LPAR1: variants seen among roughly 807,000 people sequenced by gnomAD.
LPAR1 encodes the protein lysophosphatidic acid receptor 1.
In LPAR1, 5 loss-of-function variants were observed where a neutral mutation model predicts 23.8. The observed-to-expected ratio is 0.21, with a 90% CI of 0.11 to 0.44. The LOEUF is 0.44. Ranked by LOEUF, LPAR1 falls within the 20% of genes least tolerant of loss-of-function variation. The pLI, the probability that LPAR1 is intolerant of heterozygous loss-of-function variation, is 0.99. For missense variants in LPAR1, 311 were observed against 482.8 expected (o/e 0.64, Z 3.33); for synonymous variants, 160 against 164.7 (o/e 0.97, Z 0.22).
chr9:110,952,992 G>A (rs150146874), intron 4 of LPAR1, among the ~76,000 whole-genome samples: 481 of 152,234 alleles, frequency 3.2e-3, no homozygotes, highest in Admixed American at 5.6e-3. Context: ...ACCTCAGTTG[G>A]CACACAGACG....
rs10980632 is a variant in LPAR1, at chr9:110,915,951, T to C, written c.793+25470A>G. On this transcript the variant is annotated intron_variant, in intron 5 of 5. Coordinates refer to ENST00000683809, the MANE Select transcript of LPAR1 (RefSeq NM_001351411.2). ...CAAATTATCAATATGAAAATCATGG[T>C]AATAACATGAATGACTAAAATCAAA... 0.033 allele frequency among the ~76,000 whole-genome samples: 4,950 copies of C among 152,282 alleles called. 931 individuals are homozygous for C. In the East Asian group the frequency reaches 0.57, roughly 17 times the overall value.
At chr9:110,905,225 T>G (rs2090811535) in intron 5 of LPAR1, among the ~76,000 whole-genome samples, 1 of 152,240 alleles carries the variant, frequency 6.6e-6, no homozygotes, top group African/African-American at 2.4e-5. Context: ...TGCTATCCTA[T>G]TCCAAGTCTG....
intron 5 of LPAR1, among the ~76,000 whole-genome samples, chr9:110,921,889 A>G (rs772158983): frequency 7.2e-5 from 11 of 152,188 alleles, no homozygotes; most frequent in Non-Finnish European, 8.8e-5. Flanking sequence ...TTGTGAACTG[A>G]AGAAGTCCTG....
chr9:110,876,740 C>T (rs2079195436), intron 5 of LPAR1, among the ~76,000 whole-genome samples: 1 of 152,126 alleles, frequency 6.6e-6, no homozygotes, highest in Non-Finnish European at 1.5e-5. Context: ...TCTTTCTTCC[C>T]CCAATTATTC....
intron 2 of LPAR1, among the ~76,000 whole-genome samples, chr9:111,013,308 A>G (rs1393249449): frequency 1.3e-5 from 2 of 152,172 alleles, no homozygotes; most frequent in African/African-American, 2.4e-5. Flanking sequence ...GGACCAACCA[A>G]TCCACAATAA....
intron 2 of LPAR1, among the ~76,000 whole-genome samples, chr9:111,009,045 C>T (rs902713660): frequency 2.0e-5 from 3 of 151,906 alleles, no homozygotes; most frequent in African/African-American, 7.3e-5. Context: ...ACAAAGTCTA[C>T]AGATACTGGG....
At chr9:110,892,676 A>G (rs1279906071) in intron 5 of LPAR1, among the ~76,000 whole-genome samples, 2 of 130,078 alleles carry the variant, frequency 1.5e-5, no homozygotes, top group African/African-American at 5.9e-5. Context: ...AAAGAGAGAG[A>G]GAGGGGGAAG....
chr9:110,930,054 C>A (rs1435899632), intron 5 of LPAR1, among the ~76,000 whole-genome samples: 1 of 152,146 alleles, frequency 6.6e-6, no homozygotes. Flanking sequence ...TCTGAAACCT[C>A]AACCAGGCCA....
chr9:110,957,522 G>C lies in LPAR1; in HGVS notation c.45+14551C>G, dbSNP rs141930944. ...CATCTCAATAGATGCAAAAAAAATTGATAAAATTCAACATTCTTTCATGAC... is the reference window on the plus strand; with the variant it reads ...CATCTCAATAGATGCAAAAAAAATTCATAAAATTCAACATTCTTTCATGAC... On this transcript the variant is annotated intron_variant, in intron 4 of 5. Coordinates refer to ENST00000683809, the MANE Select transcript of LPAR1 (RefSeq NM_001351411.2). Among the ~76,000 whole-genome samples the C allele has an allele frequency of 3.3e-3, 500 of 151,952 alleles. 2 individuals carry two copies. Among genetic ancestry groups the C allele is most frequent in the Admixed American group, 6.4e-3 (97 of 15,258 alleles).
chr9:110,958,898 C>A (rs2095851439), intron 4 of LPAR1, among the ~76,000 whole-genome samples: 1 of 148,402 alleles, frequency 6.7e-6, no homozygotes, highest in African/African-American at 2.5e-5. Context: ...AAAAAGTGGG[C>A]AAAGGATATG....
chr9:111,007,471 T>C (rs1459876223), intron 2 of LPAR1, among the ~76,000 whole-genome samples: 1 of 152,140 alleles, frequency 6.6e-6, no homozygotes, highest in Non-Finnish European at 1.5e-5. Flanking sequence ...AAATGGTTGA[T>C]AAACATCCAC....
intron 5 of LPAR1, among the ~76,000 whole-genome samples, chr9:110,901,341 T>C (rs960752295): frequency 5.9e-5 from 9 of 152,116 alleles, no homozygotes; most frequent in African/African-American, 1.2e-4. Flanking sequence ...TTCCTAAAGA[T>C]GTAAGAACTT....
intron 5 of LPAR1, among the ~76,000 whole-genome samples, chr9:110,898,379 A>G (rs2087243247): frequency 6.6e-6 from 1 of 152,242 alleles, no homozygotes; most frequent in Non-Finnish European, 1.5e-5. Flanking sequence ...TATGTAGATT[A>G]CCGTGTGCAA....
chr9:110,891,598 A>G (rs1310020059), intron 5 of LPAR1, among the ~76,000 whole-genome samples: 1 of 152,234 alleles, frequency 6.6e-6, no homozygotes, highest in Non-Finnish European at 1.5e-5. Context: ...TTAAAACATG[A>G]AGAAAAGATC....
At chr9:110,899,621 G>T (rs1465758760) in intron 5 of LPAR1, among the ~76,000 whole-genome samples, 1 of 152,138 alleles carries the variant, frequency 6.6e-6, no homozygotes, top group African/African-American at 2.4e-5. Flanking sequence ...ACTTCAATGT[G>T]TACACGAATC....
intron 2 of LPAR1, among the ~76,000 whole-genome samples, chr9:110,978,156 T>C (rs1455910919): frequency 1.3e-5 from 2 of 152,112 alleles, no homozygotes. Flanking sequence ...GGGGACATAG[T>C]AGAATCTTTG....
chr9:110,939,855 A>G (rs1040333560), intron 5 of LPAR1, among the ~76,000 whole-genome samples: 3 of 152,370 alleles, frequency 2.0e-5, no homozygotes, highest in African/African-American at 4.8e-5. Context: ...AATGTCAACC[A>G]ACATTTAGGT....
At chr9:110,901,776 C>T (rs1293851612) in intron 5 of LPAR1, among the ~76,000 whole-genome samples, 2 of 152,102 alleles carry the variant, frequency 1.3e-5, no homozygotes, top group Non-Finnish European at 2.9e-5. Flanking sequence ...GGCAGGTAGA[C>T]TGCATTTCAG....
At chr9:111,038,735 G>A (rs967396654), upstream of LPAR1, 3 of 436,762 alleles carry the variant, frequency 6.9e-6, no homozygotes, top group African/African-American at 4.2e-5. This position sits in a 1 kb window ranked among gnomAD's most constrained non-coding sequence, Gnocchi z 4.4. Context: ...TGGCAGGGCC[G>A]GGGCTGGGGG....
Sources: gnomAD v4.1 joint callset for allele counts (sites outside exome capture counted in the v4.1 genomes callset) on GRCh38, gnomAD v4.1.1 for gene constraint, Gnocchi (gnomAD v3.1) non-coding constraint, MANE v1.5 for transcripts, NCBI Gene and HGNC (gene_info 2026-07-23, HGNC 2026-07-21) for gene names.